The following ADRA1A variants were observed in gnomAD, a reference collection of about 807,000 sequenced individuals.
ADRA1A encodes adrenoceptor alpha 1A.
Under a neutral mutation model 29.6 loss-of-function variants are expected in ADRA1A, and 31 were observed. The observed-to-expected ratio is 1.05, with a 90% CI of 0.79 to 1.41. The LOEUF is 1.41. ADRA1A is among the 40% of genes most tolerant of loss of function. The pLI is 0.00. For missense variants in ADRA1A, 619 were observed against 601.1 expected, an observed-to-expected ratio of 1.03 and a Z score of -0.31; for synonymous variants, 311 against 254.3, an observed-to-expected ratio of 1.22 and a Z score of -2.12.
intron 2 of ADRA1A, among the ~76,000 whole-genome samples, chr8:26,837,277 C>T (rs2170406): frequency 2.0e-5 from 3 of 151,942 alleles, no homozygotes; most frequent in Non-Finnish European, 4.4e-5. Flanking sequence ...TCTCCAAGTG[C>T]GGTGCAGAGT....
chr8:26,779,240 A>G (rs1806773598), intron 2 of ADRA1A: 2 of 698,032 alleles, frequency 2.9e-6, no homozygotes, highest in Non-Finnish European at 5.2e-6. Context: ...AAGAATATGT[A>G]TCTAGTTCCT....
rs755834390 is a variant in ADRA1A at position 26,864,495 on chromosome 8, T to C, written c.475A>G (p.Ile159Val). Residue 159 changes from isoleucine (I) to valine (V), a missense_variant, in exon 2 of 3, where the codon ATT (isoleucine) becomes GTT (valine). Transcript: ENST00000380573. This position sits in a 1 kb window ranked among gnomAD's most constrained non-coding sequence, Gnocchi z 8.1. ...CVWALSLVISIGPLFGWRQPA... is the reference protein window; with the variant it reads ...CVWALSLVISVGPLFGWRQPA... Reference sequence around the variant, plus strand: ...TGCCTCCAGCCGAACAGGGGTCCAATGGATATGACCAGGGAGAGTGCCCAG... The same window carrying C: ...TGCCTCCAGCCGAACAGGGGTCCAACGGATATGACCAGGGAGAGTGCCCAG... The C allele has an allele frequency of 1.1e-5, 17 of 1,613,664 alleles. No homozygotes were observed. The highest frequency in any genetic ancestry group is 2.2e-5 in the South Asian group (2 of 91,076).
rs973306824 is a variant in ADRA1A, at chr8:26,787,366, GTT to G, written c.884-16702_884-16701del. ...AAAATTCTCGAATGTTAATAATTAG[GTT>G]TGTTCAGAATAGACATGTTTGGACA... On this transcript the variant is annotated intron_variant, in intron 2 of 2. Transcript: ENST00000380573. This position sits in a 1 kb window ranked among gnomAD's most constrained non-coding sequence, Gnocchi z 4.2. 6.6e-6 allele frequency among the ~76,000 whole-genome samples: 1 copy of G among 152,076 alleles called. No homozygotes were observed. Among genetic ancestry groups the G allele is most frequent in the Non-Finnish European group, 1.5e-5 (1 of 68,010 alleles).
At chr8:26,797,338 C>T (rs1277245127) in intron 2 of ADRA1A, among the ~76,000 whole-genome samples, 1 of 151,774 alleles carries the variant, frequency 6.6e-6, no homozygotes, top group African/African-American at 2.4e-5. Context: ...GCTCTGTCGC[C>T]CAGGCTGGAA....
At chr8:26,845,704 C>T (rs498194) in intron 2 of ADRA1A, among the ~76,000 whole-genome samples, 107,294 of 152,096 alleles carry the variant, frequency 0.71, 38,225 homozygotes, top group African/African-American at 0.78. Context: ...AATGGAGCAA[C>T]AGATAAATAA....
At chr8:26,789,524 C>A (rs1395697923) in intron 2 of ADRA1A, among the ~76,000 whole-genome samples, 1 of 151,996 alleles carries the variant, frequency 6.6e-6, no homozygotes, top group East Asian at 1.9e-4. Context: ...AAAACAGTTT[C>A]AAAACTTAAA....
chr8:26,812,825 A>T (rs533666641), intron 2 of ADRA1A, among the ~76,000 whole-genome samples: 39 of 151,288 alleles, frequency 2.6e-4, no homozygotes, highest in South Asian at 2.1e-3. Context: ...CCACCACGCC[A>T]GGCTAATTTT....
In ADRA1A at chr8:26,867,272, G is replaced by A. The variant is rs1813965014; in HGVS notation, c.-1023C>T. ...AAGGAACTTTGCAGCTCTCGCTGAC[G>A]TAACTCAGGCAGTAGCCCAGCTAGT... On this transcript the variant is annotated 5_prime_UTR_variant, in exon 1 of 3. The change creates a new upstream start codon in the 5' untranslated region. Transcript: ENST00000380573. The A allele has an allele frequency of 2.0e-6, 2 of 985,370 alleles. No individual in the cohort carries two copies. Among genetic ancestry groups the A allele is most frequent in the African/African-American group, 1.7e-5 (1 of 57,244 alleles). 61.0% of individuals were successfully genotyped at this position (985,370 alleles called of 1,614,324 possible).
At chr8:26,858,096 A>AT (rs1813179154) in intron 2 of ADRA1A, among the ~76,000 whole-genome samples, 1 of 152,118 alleles carries the variant, frequency 6.6e-6, no homozygotes, top group Non-Finnish European at 1.5e-5. Flanking sequence ...CTTAAAACAC[A>AT]TTTTTCTGCT....
At chr8:26,812,301 C>G (rs929285871) in intron 2 of ADRA1A, among the ~76,000 whole-genome samples, 7 of 152,220 alleles carry the variant, frequency 4.6e-5, no homozygotes, top group Non-Finnish European at 7.3e-5. Context: ...TTTTCTCATA[C>G]TATCTCCATA....
rs1046031096 is a variant in ADRA1A at position 26,789,300 on chromosome 8, T to C, written c.884-18634A>G. ...AGTGATCAAAACAGCATGGTACTGA[T>C]GTAAAAATAGACACATAGACCAATG... On this transcript the variant is annotated intron_variant, in intron 2 of 2. Transcript: ENST00000380573. 3.9e-5 allele frequency among the ~76,000 whole-genome samples: 6 copies of C among 152,274 alleles called. No individual in the cohort carries two copies. In the South Asian group the frequency reaches 1.2e-3, roughly 32 times the overall value.
At chr8:26,765,895 G>A, downstream of ADRA1A, 2 of 1,423,984 alleles carry the variant, frequency 1.4e-6, no homozygotes, top group Non-Finnish European at 9.2e-7. Flanking sequence ...TTCCTAAAAT[G>A]TTCTCACTAC....
chr8:26,778,424 C>T lies in ADRA1A; in HGVS notation c.884-7758G>A, dbSNP rs551579719. ...ATCATGTGCTTTTATGGGCTGCTTCCTTAAAAGCAGATCTCCTTTCATAAG... is the reference window on the plus strand; with the variant it reads ...ATCATGTGCTTTTATGGGCTGCTTCTTTAAAAGCAGATCTCCTTTCATAAG... On this transcript the variant is annotated intron_variant, in intron 2 of 2. Coordinates refer to ENST00000380573, the MANE Select transcript of ADRA1A (RefSeq NM_000680.4). 1.8e-4 allele frequency among the ~76,000 whole-genome samples: 28 copies of T among 152,250 alleles called. 1 individual carries two copies. In the South Asian group the frequency reaches 5.8e-3, roughly 32 times the overall value.
intron 2 of ADRA1A, among the ~76,000 whole-genome samples, chr8:26,847,058 G>A (rs1313204390): frequency 1.3e-5 from 2 of 152,080 alleles, no homozygotes; most frequent in Non-Finnish European, 2.9e-5. Context: ...ATCACACTCT[G>A]GGGACTGTCG....
chr8:26,750,520 A>G (rs570047075), intron 2 of ADRA1A, among the ~76,000 whole-genome samples: 1 of 152,318 alleles, frequency 6.6e-6, no homozygotes, highest in Non-Finnish European at 1.5e-5. Context: ...TCCTGTAAGG[A>G]CAAAAATCTC....
At chr8:26,773,590 G>A (rs561720298) in intron 2 of ADRA1A, among the ~76,000 whole-genome samples, 6 of 151,954 alleles carry the variant, frequency 3.9e-5, no homozygotes, top group Middle Eastern at 3.4e-3. Flanking sequence ...GGGGAGGGTC[G>A]TTTCCTTATT....
intron 2 of ADRA1A, among the ~76,000 whole-genome samples, chr8:26,797,224 G>T (rs1808246589): frequency 6.6e-6 from 1 of 152,076 alleles, no homozygotes; most frequent in African/African-American, 2.4e-5. Context: ...TTTAAATTTG[G>T]AAAATCCAGT....
At chr8:26,777,228 T>C (rs1243226384) in intron 2 of ADRA1A, among the ~76,000 whole-genome samples, 1 of 152,156 alleles carries the variant, frequency 6.6e-6, no homozygotes, top group African/African-American at 2.4e-5. Context: ...TGACCAGGGC[T>C]CTCTAAGAAG....
intron 2 of ADRA1A, among the ~76,000 whole-genome samples, chr8:26,830,121 C>G (rs549078904): frequency 3.9e-5 from 6 of 152,234 alleles, no homozygotes; most frequent in African/African-American, 1.4e-4. Flanking sequence ...CCAGCCTAGC[C>G]CAAAACTGTT....
Sources: gnomAD v4.1 joint callset for allele counts (sites outside exome capture counted in the v4.1 genomes callset) on GRCh38, gnomAD v4.1.1 for gene constraint, Gnocchi (gnomAD v3.1) non-coding constraint, MANE v1.5 for transcripts, NCBI Gene and HGNC (gene_info 2026-07-23, HGNC 2026-07-21) for gene names.